Variants in STK32C observed in about 807,000 individuals in gnomAD.
The protein encoded by STK32C is serine/threonine kinase 32C.
STK32C carries 31 observed loss-of-function variants against 56.5 expected under a neutral mutation model. The ratio of observed to expected loss-of-function variants is 0.55; its 90% CI spans 0.41 to 0.74. The LOEUF is 0.74. Among genes scored for constraint, STK32C ranks in the 30% least tolerant of loss-of-function variants. STK32C has a pLI of 0.00. For missense variants in STK32C, 544 were observed against 676.9 expected (o/e 0.80, Z 2.18); for synonymous variants, 309 against 289.4 (o/e 1.07, Z -0.69).
intron 10 of STK32C, chr10:132,209,368 C>T (rs1286398652): frequency 1.5e-6 from 1 of 686,736 alleles, no homozygotes; most frequent in Non-Finnish European, 2.7e-6. Flanking sequence ...GTGGGGCCTG[C>T]AGGACCAGGC....
intron 1 of STK32C, among the ~76,000 whole-genome samples, chr10:132,260,643 C>A (rs570133341): frequency 6.6e-6 from 1 of 152,334 alleles, no homozygotes; most frequent in South Asian, 2.1e-4. Context: ...CCAGCAGATA[C>A]CCATGAGGCA....
intron 1 of STK32C, among the ~76,000 whole-genome samples, chr10:132,249,270 C>G (rs2063811550): frequency 6.6e-6 from 1 of 152,080 alleles, no homozygotes. Context: ...CATGCGGCCC[C>G]CACTCTGCAG....
chr10:132,302,049 G>A (rs908616009), intron 1 of STK32C, among the ~76,000 whole-genome samples: 3 of 152,206 alleles, frequency 2.0e-5, no homozygotes, highest in Non-Finnish European at 4.4e-5. Context: ...TGGGTCAGCC[G>A]CATTTTCACA....
Position 132,207,693 on chromosome 10 carries a change from G to A in STK32C, c.*317C>T, listed in dbSNP as rs1482780364. 9 of 267,664 alleles carry A rather than the reference G, an allele frequency of 3.4e-5. No homozygotes were observed. In the East Asian group the frequency reaches 5.7e-4, roughly 17 times the overall value. The allele number at this position is 267,664 out of a possible 1,614,324, so 16.6% of individuals were successfully genotyped here. A position where few individuals can be genotyped will look rare whatever the true frequency, so the allele number is the denominator to read the frequency against. ...GAGGGCCGTGCACAGCCTCCGGGCTGAGCAGGGACAAAGACTCCTGTCCCA... is the reference window on the plus strand; with the variant it reads ...GAGGGCCGTGCACAGCCTCCGGGCTAAGCAGGGACAAAGACTCCTGTCCCA... On this transcript the variant is annotated 3_prime_UTR_variant, in exon 12 of 12. Coordinates refer to ENST00000298630, the MANE Select transcript of STK32C (RefSeq NM_173575.4).
intron 1 of STK32C, among the ~76,000 whole-genome samples, chr10:132,254,779 G>A (rs112376293): frequency 0.012 from 1,850 of 151,380 alleles, 147 homozygotes; most frequent in African/African-American, 0.04. Context: ...ATGTCACCCC[G>A]GCACAATGCG....
chr10:132,297,793 C>T (rs1004347726), intron 1 of STK32C, among the ~76,000 whole-genome samples: 2 of 152,232 alleles, frequency 1.3e-5, no homozygotes, highest in African/African-American at 4.8e-5. Flanking sequence ...GGGCCCGCCC[C>T]GCGGCCAGCA....
chr10:132,228,844 T>C (rs1219928475), intron 2 of STK32C, among the ~76,000 whole-genome samples: 5 of 152,226 alleles, frequency 3.3e-5, no homozygotes, highest in Non-Finnish European at 5.9e-5. Context: ...CCTCACCCTG[T>C]CCTGCAAGGA....
Position 132,208,869 on chromosome 10 carries a change from G to A in STK32C, c.1319+165C>T, listed in dbSNP as rs576450794. ...ACAAACATGCCAGAGCCTGGCAGGG[G>A]CCTCCCGCCGCTCCCCTCCATAGCT... On this transcript the variant is annotated intron_variant, in intron 11 of 11. Coordinates refer to ENST00000298630, the MANE Select transcript of STK32C (RefSeq NM_173575.4). Among the ~76,000 whole-genome samples the A allele has an allele frequency of 1.5e-3, 233 of 152,108 alleles. 1 individual carries two copies. Among genetic ancestry groups the A allele is most frequent in the Non-Finnish European group, 2.9e-3 (194 of 68,000 alleles).
At chr10:132,251,441 C>T (rs529066889) in intron 1 of STK32C, among the ~76,000 whole-genome samples, 1 of 152,270 alleles carries the variant, frequency 6.6e-6, no homozygotes, top group Non-Finnish European at 1.5e-5. Context: ...GGGGAGTGGG[C>T]ATGGTCCCTT....
intron 1 of STK32C, among the ~76,000 whole-genome samples, chr10:132,303,465 G>C (rs555300967): frequency 6.6e-6 from 1 of 152,050 alleles, no homozygotes; most frequent in East Asian, 1.9e-4. Flanking sequence ...CACATCCATA[G>C]AGAAAAAAGC....
At chr10:132,219,270 G>T (rs946580548) in intron 10 of STK32C, among the ~76,000 whole-genome samples, 1 of 152,140 alleles carries the variant, frequency 6.6e-6, no homozygotes, top group Admixed American at 6.5e-5. Flanking sequence ...GTTAACAGTG[G>T]GACTTTTTTT....
intron 2 of STK32C, among the ~76,000 whole-genome samples, chr10:132,242,921 C>A (rs2063556764): frequency 6.6e-6 from 1 of 152,210 alleles, no homozygotes. Flanking sequence ...GTACCCCCAC[C>A]CAGGGGAACC....
chr10:132,240,803 C>T (rs1024548001), intron 2 of STK32C, among the ~76,000 whole-genome samples: 9 of 152,082 alleles, frequency 5.9e-5, no homozygotes, highest in Admixed American at 5.9e-4. Flanking sequence ...CAGAGACCCA[C>T]TTAGGGTCAA....
At chr10:132,222,514 C>T in intron 10 of STK32C, 127 bp downstream of exon 10, 17 of 1,266,818 alleles carry the variant, frequency 1.3e-5, no homozygotes, top group Non-Finnish European at 1.8e-5. Context: ...CTCAGGACTT[C>T]AGGAAACGGT....
chr10:132,325,222 A>G (rs1410167270), intron 1 of STK32C, among the ~76,000 whole-genome samples: 4 of 152,132 alleles, frequency 2.6e-5, no homozygotes, highest in Admixed American at 6.6e-5. Flanking sequence ...TTCTCATGAT[A>G]GTGAATAAGT....
At chr10:132,320,286 G>A (rs769464307), downstream of STK32C, among the ~76,000 whole-genome samples, 3 of 152,104 alleles carry the variant, frequency 2.0e-5, no homozygotes, top group African/African-American at 4.8e-5. Flanking sequence ...CATTGCCAGA[G>A]TGGTGAGGGC....
At chr10:132,260,922 C>CG (rs1412764152) in intron 1 of STK32C, among the ~76,000 whole-genome samples, 3 of 152,198 alleles carry the variant, frequency 2.0e-5, no homozygotes, top group Non-Finnish European at 4.4e-5. Context: ...CCCAGAACCC[C>CG]GTCAGGACGC....
intron 1 of STK32C, among the ~76,000 whole-genome samples, chr10:132,275,938 C>T (rs1282301996): frequency 2.0e-5 from 3 of 152,128 alleles, no homozygotes; most frequent in Non-Finnish European, 2.9e-5. Flanking sequence ...GAAACCTCAG[C>T]CCCCCACCCC....
chr10:132,317,994 G>T (rs2138448843), intron 1 of STK32C, among the ~76,000 whole-genome samples: 1 of 148,656 alleles, frequency 6.7e-6, no homozygotes, highest in South Asian at 2.2e-4. Flanking sequence ...AAAAGTCTGG[G>T]CACAGTGGCT....
Sources: gnomAD v4.1 joint callset for allele counts (sites outside exome capture counted in the v4.1 genomes callset) on GRCh38, gnomAD v4.1.1 for gene constraint, MANE v1.5 for transcripts, NCBI Gene and HGNC (gene_info 2026-07-23, HGNC 2026-07-21) for gene names.